Variants in FAM135B observed in about 807,000 individuals in gnomAD.
FAM135B encodes family with sequence similarity 135 member B.
Under a neutral mutation model 127.7 loss-of-function variants are expected in FAM135B, and 43 were observed. The ratio of observed to expected loss-of-function variants is 0.34; its 90% CI spans 0.26 to 0.43. The LOEUF (loss-of-function observed/expected upper bound fraction) is 0.43, where lower values mean the gene tolerates loss of function less well. FAM135B is among the 20% of genes least tolerant of loss of function. FAM135B has a pLI of 1.00. For synonymous variants in FAM135B, 670 were observed against 665.1 expected, an observed-to-expected ratio of 1.01 and a Z score of -0.11; for missense variants, 1,558 against 1,725.6, an observed-to-expected ratio of 0.90 and a Z score of 1.72.
At chr8:138,213,355 T>A (rs1180406984) in intron 7 of FAM135B, among the ~76,000 whole-genome samples, 1 of 152,212 alleles carries the variant, frequency 6.6e-6, no homozygotes, top group Non-Finnish European at 1.5e-5. Context: ...TTAGTGTTAA[T>A]TCTTTCTATT....
At chr8:138,237,052 A>G (rs1820335660) in intron 7 of FAM135B, among the ~76,000 whole-genome samples, 1 of 151,976 alleles carries the variant, frequency 6.6e-6, no homozygotes, top group African/African-American at 2.4e-5. Context: ...CCGTCGGATG[A>G]CGGAACAGCC....
At chr8:138,311,953 T>C (rs1826715518) in intron 2 of FAM135B, among the ~76,000 whole-genome samples, 1 of 152,116 alleles carries the variant, frequency 6.6e-6, no homozygotes, top group Non-Finnish European at 1.5e-5. Flanking sequence ...GTAAAATGAA[T>C]ATATATATAT....
chr8:138,218,805 G>GAGA (rs1563784019), intron 7 of FAM135B, among the ~76,000 whole-genome samples: 233 of 16,716 alleles, frequency 0.014, no homozygotes, highest in African/African-American at 0.03. Context: ...AGAGAGAGAG[G>GAGA]GAGAGAAAGA....
At chr8:138,310,431 C>G (rs79257451) in intron 3 of FAM135B, among the ~76,000 whole-genome samples, 2 of 152,068 alleles carry the variant, frequency 1.3e-5, no homozygotes, top group Non-Finnish European at 2.9e-5. Flanking sequence ...CTCTTGGACC[C>G]CTCAAGGTGT....
chr8:138,485,651 G>A (rs1300170638), intron 1 of FAM135B, among the ~76,000 whole-genome samples: 1 of 152,094 alleles, frequency 6.6e-6, no homozygotes, highest in African/African-American at 2.4e-5. Context: ...ATCTCCTAGG[G>A]AGAAACTGAG....
intron 2 of FAM135B, among the ~76,000 whole-genome samples, chr8:138,334,960 CT>C (rs1828456725): frequency 6.6e-6 from 1 of 152,154 alleles, no homozygotes; most frequent in Admixed American, 6.6e-5. Flanking sequence ...GTTTAAAATG[CT>C]GACATCAATG....
intron 2 of FAM135B, among the ~76,000 whole-genome samples, chr8:138,335,612 A>C (rs4357295): frequency 0.9 from 137,056 of 152,128 alleles, 62,733 homozygotes; most frequent in Non-Finnish European, 0.98. Context: ...TAAAGCAAGT[A>C]CTTAGAGACT....
chr8:138,240,471 A>G (rs1363104969), intron 7 of FAM135B, among the ~76,000 whole-genome samples: 2 of 152,198 alleles, frequency 1.3e-5, no homozygotes, highest in Admixed American at 1.3e-4. Context: ...GTGTGAAGCA[A>G]TGAATGGTCT....
At chr8:138,290,591 T>C (rs1825034878) in intron 3 of FAM135B, among the ~76,000 whole-genome samples, 1 of 152,180 alleles carries the variant, frequency 6.6e-6, no homozygotes, top group African/African-American at 2.4e-5. Context: ...AAAAATCCAA[T>C]TTGATTCTGT....
chr8:138,232,395 G>A (rs184509169), intron 7 of FAM135B, among the ~76,000 whole-genome samples: 2 of 152,228 alleles, frequency 1.3e-5, no homozygotes, highest in African/African-American at 4.8e-5. Flanking sequence ...AATAAACTAG[G>A]GTGGTCTATA....
intron 6 of FAM135B, among the ~76,000 whole-genome samples, chr8:138,247,479 C>T (rs998371010): frequency 2.0e-5 from 3 of 152,306 alleles, no homozygotes; most frequent in East Asian, 3.9e-4. Context: ...TTGATGCTGG[C>T]ATGTGAAGAA....
intron 9 of FAM135B, among the ~76,000 whole-genome samples, chr8:138,192,641 C>T (rs1376525422): frequency 6.6e-6 from 1 of 152,178 alleles, no homozygotes; most frequent in Non-Finnish European, 1.5e-5. Flanking sequence ...AGACTCAGCG[C>T]AAGAGGACAG....
At chr8:138,335,571 T>C (rs1238802156) in intron 2 of FAM135B, among the ~76,000 whole-genome samples, 1 of 152,138 alleles carries the variant, frequency 6.6e-6, no homozygotes, top group African/African-American at 2.4e-5. Context: ...CCTAAATATA[T>C]ATGCACCCAA....
intron 11 of FAM135B, among the ~76,000 whole-genome samples, chr8:138,175,311 C>T (rs569689232): frequency 9.9e-5 from 15 of 151,462 alleles, no homozygotes; most frequent in African/African-American, 3.1e-4. Context: ...TCTAGCTACA[C>T]TTGCCTTCTT....
intron 1 of FAM135B, chr8:138,441,356 A>G (rs866160341): frequency 2.0e-5 from 3 of 152,238 alleles, no homozygotes; most frequent in African/African-American, 7.2e-5. Flanking sequence ...TTGCAGAATT[A>G]TGAGGAAAGC....
intron 1 of FAM135B, among the ~76,000 whole-genome samples, chr8:138,379,135 G>T (rs1437585892): frequency 6.6e-6 from 1 of 152,166 alleles, no homozygotes; most frequent in African/African-American, 2.4e-5. Flanking sequence ...CTAAGTGTGT[G>T]TGTGTACATA....
chr8:138,357,483 C>T (rs1830165276), intron 2 of FAM135B, among the ~76,000 whole-genome samples: 1 of 152,022 alleles, frequency 6.6e-6, no homozygotes, highest in Non-Finnish European at 1.5e-5. Flanking sequence ...ATAGTTTGTG[C>T]CTAGTGAAAG....
At chr8:138,360,668 G>A (rs183657936) in intron 2 of FAM135B, among the ~76,000 whole-genome samples, 2 of 152,284 alleles carry the variant, frequency 1.3e-5, no homozygotes, top group East Asian at 1.9e-4. Flanking sequence ...GAATTACCTC[G>A]GGAACTTTAG....
At chr8:138,261,621 G>A (rs1215116970) in intron 4 of FAM135B, among the ~76,000 whole-genome samples, 2 of 152,048 alleles carry the variant, frequency 1.3e-5, no homozygotes, top group African/African-American at 2.4e-5. Flanking sequence ...GTGGGATTAC[G>A]CAGAGTATAT....
Sources: gnomAD v4.1 joint callset for allele counts (sites outside exome capture counted in the v4.1 genomes callset) on GRCh38, gnomAD v4.1.1 for gene constraint, MANE v1.5 for transcripts, NCBI Gene and HGNC (gene_info 2026-07-23, HGNC 2026-07-21) for gene names.